PDE6C: variants seen among roughly 807,000 people sequenced by gnomAD.
The protein encoded by PDE6C is phosphodiesterase 6C, also known as cone cGMP-specific 3',5'-cyclic phosphodiesterase subunit alpha'.
A neutral mutation model predicts 113.1 loss-of-function variants in PDE6C; 75 were observed. The observed-to-expected ratio is 0.66, with a 90% CI of 0.55 to 0.80. The LOEUF (loss-of-function observed/expected upper bound fraction) is 0.80, where lower values mean the gene tolerates loss of function less well. Among genes scored for constraint, PDE6C ranks in the 30% least tolerant of loss-of-function variants. The probability of loss-of-function intolerance (pLI) is 0.00; values close to 1 mark genes in which losing one functional copy is unlikely to be tolerated. For synonymous variants in PDE6C, 375 were observed against 363.7 expected, an observed-to-expected ratio of 1.03 and a Z score of -0.35; for missense variants, 912 against 1,038.6, an observed-to-expected ratio of 0.88 and a Z score of 1.67.
intron 13 of PDE6C, 99 bp downstream of exon 13, chr10:93,640,656 A>C: frequency 1.1e-6 from 1 of 930,040 alleles, no homozygotes; most frequent in South Asian, 1.3e-5. Context: ...CAGTAATTTA[A>C]AAATTCAGGG....
chr10:93,613,295 T>C lies in PDE6C; in HGVS notation c.480+90T>C. 2.6e-6 allele frequency: 4 copies of C among 1,556,800 alleles called. No homozygotes were observed. The South Asian group carries it at 3.4e-5, about 13-fold the overall frequency. The stretch of plus-strand genomic sequence containing the variant: ...AGAGATAGTGCTATCCTTGTGGCAT[T>C]AGTTTGGCAATAACCGGGGGAATGT... On this transcript the variant is annotated intron_variant, in intron 1 of 21. Coordinates refer to ENST00000371447, the MANE Select transcript of PDE6C (RefSeq NM_006204.4).
intron 16 of PDE6C, 101 bp from the exon 17 acceptor site, chr10:93,658,800 A>C: frequency 2.7e-6 from 2 of 752,998 alleles, no homozygotes; most frequent in Non-Finnish European, 4.7e-6. Flanking sequence ...TGGACATCAC[A>C]ATGCAAAGTG....
rs115410399 is a variant in PDE6C, at chr10:93,662,735, C to T, written c.2367+92C>T. The T allele has an allele frequency of 1.8e-3, 1,353 of 743,818 alleles. 11 individuals carry two copies. The African/African-American group carries it at 0.02, about 11-fold the overall frequency. The allele number at this position is 743,818 out of a possible 1,614,324, so 46.1% of individuals were successfully genotyped here. ...CACCAAAATTTAGAAGTCACCCATA[C>T]GGAAAGCCATTGGGGTATCACTGTT... On this transcript the variant is annotated intron_variant, in intron 20 of 21. Transcript: ENST00000371447.
intron 4 of PDE6C, 32 bp from the exon 5 acceptor site, chr10:93,625,543 G>T: frequency 7.0e-7 from 1 of 1,432,216 alleles, no homozygotes; most frequent in Non-Finnish European, 9.9e-7. Flanking sequence ...GGAACAGTGT[G>T]TTTAATGATA....
In PDE6C at chr10:93,665,564, C is replaced by A; in HGVS notation, c.*146C>A. On this transcript the variant is annotated 3_prime_UTR_variant, in exon 22 of 22. Coordinates refer to ENST00000371447, the MANE Select transcript of PDE6C (RefSeq NM_006204.4). ...TATGAAGAAAATATATATTGCTAGCCCAAAAATCCCAGGGGCAAAATAAAG... is the reference window on the plus strand; with the variant it reads ...TATGAAGAAAATATATATTGCTAGCACAAAAATCCCAGGGGCAAAATAAAG... The A allele has an allele frequency of 6.3e-6, 4 of 631,902 alleles. No homozygotes were observed. The highest frequency in any genetic ancestry group is 1.9e-5 in the South Asian group (1 of 52,082). 39.1% of individuals were successfully genotyped at this position (631,902 alleles called of 1,614,324 possible). A position where few individuals can be genotyped will look rare whatever the true frequency, so the allele number is the denominator to read the frequency against.
chr10:93,641,255 A>G (rs1197222550), intron 14 of PDE6C, among the ~76,000 whole-genome samples: 1 of 151,944 alleles, frequency 6.6e-6, no homozygotes, highest in Non-Finnish European at 1.5e-5. Flanking sequence ...TCATTTCCAG[A>G]TGTGCCTCTG....
In PDE6C at chr10:93,612,783, G is replaced by T. The variant is rs1589690743; in HGVS notation, c.58G>T (p.Ala20Ser). ...ATACCTGGAGGAGAACCCTCAGTTT[G>T]CCAAGGAGTACTTTGACAGGAAGTT... The part of the protein sequence containing the change: ...EKYLEENPQF[A>S]KEYFDRKLRV... Residue 20 changes from alanine (A) to serine (S), a missense_variant, in exon 1 of 22, where the codon GCC becomes TCC. Transcript: ENST00000371447. 1 of 1,614,188 alleles carries T rather than the reference G, an allele frequency of 6.2e-7. No homozygotes were observed. Among genetic ancestry groups the T allele is most frequent in the Non-Finnish European group, 8.5e-7 (1 of 1,180,038 alleles).
intron 21 of PDE6C, among the ~76,000 whole-genome samples, chr10:93,664,449 T>G (rs1009018173): frequency 6.6e-6 from 1 of 152,184 alleles, no homozygotes; most frequent in Non-Finnish European, 1.5e-5. Context: ...GTAGTGCAGG[T>G]AGCTGCCAGA....
Position 93,659,172 on chromosome 10 carries a change from G to A in PDE6C, c.2208+5G>A. 1 of 1,598,104 alleles carries A rather than the reference G, an allele frequency of 6.3e-7. No homozygotes were observed. Among genetic ancestry groups the A allele is most frequent in the African/African-American group, 1.3e-5 (1 of 74,658 alleles). On this transcript the variant is annotated splice_donor_5th_base_variant and intron_variant, in intron 18 of 21. Transcript: ENST00000371447. ...CCCTGGGAGGTGCAAAGTCAGGTGA[G>A]TCCAGTTAAGTTTTCTTTTCTGTCA...
At chr10:93,621,849 C>T (rs1051304660) in intron 3 of PDE6C, 83 bp from the exon 4 acceptor site, 25 of 1,246,624 alleles carry the variant, frequency 2.0e-5, no homozygotes, top group Non-Finnish European at 2.0e-5. Context: ...ATTTGATGCA[C>T]CTCATGTTTT....
intron 15 of PDE6C, among the ~76,000 whole-genome samples, chr10:93,655,467 CATTT>C (rs1386823755): frequency 2.6e-5 from 4 of 151,868 alleles, no homozygotes; most frequent in Non-Finnish European, 5.9e-5. Context: ...TAGAAGAAAA[CATTT>C]ATTTACTCCA....
intron 1 of PDE6C, among the ~76,000 whole-genome samples, chr10:93,615,341 C>T (rs1435445206): frequency 6.6e-6 from 1 of 152,118 alleles, no homozygotes; most frequent in Non-Finnish European, 1.5e-5. Context: ...ATTGTTACAG[C>T]GGACTCTCAA....
At chr10:93,662,484 AGTT>A in intron 19 of PDE6C, 73 bp from the exon 20 acceptor site, 3 of 593,264 alleles carry the variant, frequency 5.1e-6, no homozygotes, top group South Asian at 1.7e-5. Flanking sequence ...AAAAAAAAAA[AGTT>A]ATCAGGACAA....
In PDE6C at chr10:93,665,823, T is replaced by A; in HGVS notation, c.*405T>A. 3.8e-6 allele frequency: 1 copy of A among 264,228 alleles called. No individual in the cohort carries two copies. Among genetic ancestry groups the A allele is most frequent in the Non-Finnish European group, 7.3e-6 (1 of 137,310 alleles). The allele number at this position is 264,228 out of a possible 1,614,324, so 16.4% of individuals were successfully genotyped here. The stretch of plus-strand genomic sequence containing the variant: ...GTTCAAGATCAAGGAGTTGGCAGGG[T>A]TGGTTTCTTGGGAGGCCTCTCAACT... On this transcript the variant is annotated 3_prime_UTR_variant, in exon 22 of 22. Transcript: ENST00000371447.
chr10:93,662,129 C>A lies in PDE6C; in HGVS notation c.2279C>A (p.Pro760His). 1 of 1,593,328 alleles carries A rather than the reference C, an allele frequency of 6.3e-7. No homozygotes were observed. The highest frequency in any genetic ancestry group is 8.6e-7 in the Non-Finnish European group (1 of 1,161,312). ...GAGAGAACAGTGTTGCAGCAACAAC[C>A]CATTGTAAGACCTTGACATAAAAAT... ...DLERTVLQQQ[P>H]IPMMDRNKRD... The change falls in exon 19 of 22, where the codon CCC (proline) becomes CAC (histidine). Residue 760 changes from proline to histidine, a missense_variant. Pro to His is a moderately conservative substitution (Grantham distance 77). Transcript: ENST00000371447.
At chr10:93,635,661 T>C in intron 10 of PDE6C, 21 bp downstream of exon 10, 2 of 1,612,364 alleles carry the variant, frequency 1.2e-6, no homozygotes, top group Admixed American at 3.3e-5. Context: ...AATTCAGTCC[T>C]GTGGACATAA....
At position 93,646,007 on chromosome 10, in the gene PDE6C, G is replaced by A. The variant is rs770655209; in HGVS notation, c.1895G>A (p.Arg632Lys). ...ARLHGSSILE[R>K]HHLEYSKTLL... ...CTTCATGGTTCTTCTATTTTGGAGAGGCACCACCTGGAGTACAGTAAGACT... is the reference window on the plus strand; with the variant it reads ...CTTCATGGTTCTTCTATTTTGGAGAAGCACCACCTGGAGTACAGTAAGACT... Residue 632 changes from arginine to lysine, a missense_variant, in exon 15 of 22, where the codon AGG becomes AAG. Transcript: ENST00000371447. 2 of 1,608,710 alleles carry A rather than the reference G, an allele frequency of 1.2e-6. No homozygotes were observed. The highest frequency in any genetic ancestry group is 1.7e-6 in the Non-Finnish European group (2 of 1,175,384).
chr10:93,619,120 A>G (rs1473457413), intron 1 of PDE6C, among the ~76,000 whole-genome samples: 1 of 152,220 alleles, frequency 6.6e-6, no homozygotes, highest in Non-Finnish European at 1.5e-5. Flanking sequence ...CTCTGAAATG[A>G]TAACTAATAA....
rs934072516 is a variant in PDE6C, at chr10:93,662,394, C to T, written c.2284-166C>T. Among the ~76,000 whole-genome samples the T allele has an allele frequency of 9.1e-5, 13 of 142,176 alleles. 1 individual carries two copies. The highest frequency in any genetic ancestry group is 1.8e-4 in the Non-Finnish European group (12 of 66,850). 93.3% of individuals were successfully genotyped at this position (142,176 alleles called of 152,430 possible). Reference sequence around the variant, plus strand: ...AGGAGAATCACTTAAACTCAGAAGGCGAAGGCTGCAGTGAGCCGAGATTGT... The same window carrying T: ...AGGAGAATCACTTAAACTCAGAAGGTGAAGGCTGCAGTGAGCCGAGATTGT... On this transcript the variant is annotated intron_variant, in intron 19 of 21. Coordinates refer to ENST00000371447, the MANE Select transcript of PDE6C (RefSeq NM_006204.4).
Sources: gnomAD v4.1 joint callset for allele counts (sites outside exome capture counted in the v4.1 genomes callset) on GRCh38, gnomAD v4.1.1 for gene constraint, MANE v1.5 for transcripts, NCBI Gene and HGNC (gene_info 2026-07-23, HGNC 2026-07-21) for gene names.